IRS1: variants seen among roughly 807,000 people sequenced by gnomAD.
IRS1 encodes insulin receptor substrate 1.
IRS1 carries 34 observed loss-of-function variants against 65.6 expected under a neutral mutation model. The ratio of observed to expected loss-of-function variants is 0.52; its 90% CI spans 0.39 to 0.69. The LOEUF is 0.69. Ranked by LOEUF, IRS1 falls within the 30% of genes least tolerant of loss-of-function variation. The probability of loss-of-function intolerance (pLI) is 0.00; values close to 1 mark genes in which losing one functional copy is unlikely to be tolerated. For missense variants in IRS1, 1,641 were observed against 1,720.2 expected (o/e 0.95, Z 0.81); for synonymous variants, 699 against 683.5 (o/e 1.02, Z -0.35).
At chr2:226,778,207 C>A (rs1176319106) in intron 1 of IRS1, among the ~76,000 whole-genome samples, 1 of 151,914 alleles carries the variant, frequency 6.6e-6, no homozygotes, top group Non-Finnish European at 1.5e-5. Flanking sequence ...TAATTTAAAT[C>A]TTCTGATAAA....
At chr2:226,759,813 T>C (rs1938878376) in intron 1 of IRS1, among the ~76,000 whole-genome samples, 2 of 152,066 alleles carry the variant, frequency 1.3e-5, no homozygotes, top group Admixed American at 1.3e-4. Context: ...AACAAAGCCA[T>C]GAAAATGCAC....
chr2:226,779,958 T>A (rs948215655), intron 1 of IRS1, among the ~76,000 whole-genome samples: 1 of 152,206 alleles, frequency 6.6e-6, no homozygotes, highest in Non-Finnish European at 1.5e-5. Flanking sequence ...CTCATTTAAA[T>A]TTAATTCCTT....
intron 1 of IRS1, among the ~76,000 whole-genome samples, chr2:226,742,118 A>G (rs966163774): frequency 5.3e-5 from 8 of 152,316 alleles, no homozygotes; most frequent in African/African-American, 1.9e-4. Flanking sequence ...GAAGAGCTAA[A>G]TCCAGAGAGC....
At chr2:226,738,782 C>T (rs1162813666) in intron 1 of IRS1, among the ~76,000 whole-genome samples, 1 of 152,182 alleles carries the variant, frequency 6.6e-6, no homozygotes, top group Non-Finnish European at 1.5e-5. Flanking sequence ...CTTCACAGCT[C>T]TGGGCCTCTA....
intron 1 of IRS1, among the ~76,000 whole-genome samples, chr2:226,740,143 C>G (rs1410141887): frequency 6.6e-6 from 1 of 152,180 alleles, no homozygotes; most frequent in Non-Finnish European, 1.5e-5. Flanking sequence ...TGGTGATATT[C>G]CTACAATGCA....
chr2:226,781,933 A>T (rs1939391450), intron 1 of IRS1, among the ~76,000 whole-genome samples: 1 of 151,682 alleles, frequency 6.6e-6, no homozygotes, highest in Admixed American at 6.6e-5. Flanking sequence ...AGTTTTAATT[A>T]TACTCTTGGT....
chr2:226,796,994 T>A lies in IRS1; in HGVS notation c.1745A>T (p.Tyr582Phe). ...RHSAFVPTRSYPEEGLEMHPL... is the reference protein window; with the variant it reads ...RHSAFVPTRSFPEEGLEMHPL... ...GTGCATTTCCAGACCCTCCTCTGGGTAGGAGCGGGTGGGCACGAAGGCGGA... is the reference window on the plus strand; with the variant it reads ...GTGCATTTCCAGACCCTCCTCTGGGAAGGAGCGGGTGGGCACGAAGGCGGA... The change falls in exon 1 of 2, where the codon TAC becomes TTC. Residue 582 changes from tyrosine (Y) to phenylalanine (F), a missense_variant. Tyr to Phe is a conservative substitution (Grantham distance 22). Transcript: ENST00000305123. 1 of 1,594,900 alleles carries A rather than the reference T, an allele frequency of 6.3e-7. No homozygotes were observed. Among genetic ancestry groups the A allele is most frequent in the East Asian group, 2.2e-5 (1 of 44,564 alleles).
rs541589555 is a variant in IRS1, at chr2:226,798,862, C to T, written c.-124G>A. On this transcript the variant is annotated 5_prime_UTR_variant, in exon 1 of 2. Transcript: ENST00000305123. The surrounding 1 kb of genome is among the most constrained non-coding windows in gnomAD (Gnocchi z 9.4). ...GGGCTGGAGGCAGCAGAAACCCCGA[C>T]TCTGAAATCCACGCCGCCCCCCGCG... The T allele has an allele frequency of 4.8e-5, 74 of 1,531,294 alleles. 1 individual carries two copies. The South Asian group carries it at 9.0e-4, about 19-fold the overall frequency. The allele number at this position is 1,531,294 out of a possible 1,614,324, so 94.9% of individuals were successfully genotyped here.
At chr2:226,743,476 C>A (rs111579587) in intron 1 of IRS1, among the ~76,000 whole-genome samples, 3 of 152,082 alleles carry the variant, frequency 2.0e-5, no homozygotes, top group Non-Finnish European at 4.4e-5. Context: ...GTGATCCACC[C>A]GCCTCGGCCT....
intron 1 of IRS1, among the ~76,000 whole-genome samples, chr2:226,766,146 TATATA>T (rs1436022750): frequency 0.011 from 70 of 6,528 alleles, 6 homozygotes; most frequent in Non-Finnish European, 0.028. Flanking sequence ...TATATATATA[TATATA>T]TATATATATA....
intron 1 of IRS1, among the ~76,000 whole-genome samples, chr2:226,769,005 C>G (rs534067983): frequency 6.6e-6 from 1 of 152,306 alleles, no homozygotes; most frequent in Admixed American, 6.5e-5. Flanking sequence ...CATTCTCTAA[C>G]AACAATGTTG....
intron 1 of IRS1, among the ~76,000 whole-genome samples, chr2:226,786,720 T>A (rs1282830194): frequency 1.5e-5 from 2 of 129,814 alleles, no homozygotes; most frequent in South Asian, 2.4e-4. Context: ...GTATCACCTA[T>A]ACAAAAATAC....
At chr2:226,789,609 CA>C (rs1034101114) in intron 1 of IRS1, among the ~76,000 whole-genome samples, 2 of 152,210 alleles carry the variant, frequency 1.3e-5, no homozygotes, top group African/African-American at 4.8e-5. Flanking sequence ...ACATTATCCA[CA>C]AACACACCAC....
chr2:226,778,182 T>C (rs1240864840), intron 1 of IRS1, among the ~76,000 whole-genome samples: 1 of 152,172 alleles, frequency 6.6e-6, no homozygotes, highest in Non-Finnish European at 1.5e-5. Flanking sequence ...AATAGTACTT[T>C]ACAGTATATT....
In IRS1 at chr2:226,797,382, T is replaced by A; in HGVS notation, c.1357A>T (p.Thr453Ser). The A allele has an allele frequency of 6.2e-7, 1 of 1,612,252 alleles. No homozygotes were observed. Among genetic ancestry groups the A allele is most frequent in the East Asian group, 2.2e-5 (1 of 44,810 alleles). Reference sequence around the variant, plus strand: ...TCCTCCTCACCGCGGGCTGGTGGGGTGTGGCCCAGGGAATCCGGAGTGACA... The same window carrying A: ...TCCTCCTCACCGCGGGCTGGTGGGGAGTGGCCCAGGGAATCCGGAGTGACA... ...RSVTPDSLGHTPPARGEEELS... is the reference protein window; with the variant it reads ...RSVTPDSLGHSPPARGEEELS... The change falls in exon 1 of 2, where the codon ACC becomes TCC. Residue 453 changes from threonine to serine, a missense_variant. Transcript: ENST00000305123. This position sits in a 1 kb window ranked among gnomAD's most constrained non-coding sequence, Gnocchi z 8.1.
At chr2:226,774,054 A>G (rs1238407171) in intron 1 of IRS1, among the ~76,000 whole-genome samples, 1 of 152,174 alleles carries the variant, frequency 6.6e-6, no homozygotes, top group East Asian at 1.9e-4. Context: ...CCCTGTTCCT[A>G]CACTACAGAC....
intron 1 of IRS1, among the ~76,000 whole-genome samples, chr2:226,770,469 C>T (rs1939140647): frequency 6.6e-6 from 1 of 152,148 alleles, no homozygotes; most frequent in Non-Finnish European, 1.5e-5. Context: ...AACATAAGCT[C>T]AGAAGTGTGG....
In IRS1 at chr2:226,797,453, T is replaced by C. The variant is rs752609655; in HGVS notation, c.1286A>G (p.Asp429Gly). 1 of 1,613,452 alleles carries C rather than the reference T, an allele frequency of 6.2e-7. No individual in the cohort carries two copies. Among genetic ancestry groups the C allele is most frequent in the South Asian group, 1.1e-5 (1 of 91,054 alleles). ...SPSDGGFISS[D>G]EYGSSPCDFR... The stretch of plus-strand genomic sequence containing the variant: ...ATCGCAGGGACTGGAGCCATACTCA[T>C]CCGAGGAGATGAAACCGCCATCGCT... The change falls in exon 1 of 2, where the codon GAT (aspartate) becomes GGT (glycine). Residue 429 changes from aspartate (D) to glycine (G), a missense_variant. By Grantham distance (94) the Asp-to-Gly change is moderately conservative (BLOSUM62 -1). Around this residue, in one of 3 missense-constraint regions of IRS1, gnomAD observed 1,324 missense variants for 1,361.0 expected, o/e 0.97. Transcript: ENST00000305123. This position sits in a 1 kb window ranked among gnomAD's most constrained non-coding sequence, Gnocchi z 8.1.
intron 1 of IRS1, among the ~76,000 whole-genome samples, chr2:226,760,070 G>C (rs532713467): frequency 2.6e-5 from 4 of 152,260 alleles, no homozygotes; most frequent in South Asian, 2.1e-4. Context: ...CAGCTACTTG[G>C]GGGGCTGGGG....
Sources: gnomAD v4.1 joint callset for allele counts (sites outside exome capture counted in the v4.1 genomes callset) on GRCh38, gnomAD v4.1.1 for gene constraint, gnomAD v4.1.1 regional missense constraint, Gnocchi (gnomAD v3.1) non-coding constraint, MANE v1.5 for transcripts, NCBI Gene and HGNC (gene_info 2026-07-23, HGNC 2026-07-21) for gene names.